Variants in CLSTN2 observed in about 807,000 individuals in gnomAD.
The protein encoded by CLSTN2 is calsyntenin-2.
Under a neutral mutation model 101.2 loss-of-function variants are expected in CLSTN2, and 48 were observed. That is an observed-to-expected ratio of 0.47 (90% CI 0.38 to 0.60). The LOEUF is 0.60. Ranked by LOEUF, CLSTN2 falls within the 20% of genes least tolerant of loss-of-function variation. The pLI is 0.00. For missense variants in CLSTN2, 1,160 were observed against 1,238.2 expected, an observed-to-expected ratio of 0.94 and a Z score of 0.95; for synonymous variants, 481 against 463.6, an observed-to-expected ratio of 1.04 and a Z score of -0.48.
chr3:140,427,229 G>A (rs56020519), intron 5 of CLSTN2, among the ~76,000 whole-genome samples: 11,820 of 70,458 alleles, frequency 0.17, 900 homozygotes, highest in African/African-American at 0.22. Flanking sequence ...ATATATGTGT[G>A]TATATATATA....
At chr3:140,561,784 C>A (rs1023297666) in intron 12 of CLSTN2, among the ~76,000 whole-genome samples, 1 of 152,158 alleles carries the variant, frequency 6.6e-6, no homozygotes, top group East Asian at 1.9e-4. Flanking sequence ...GCACTGGACA[C>A]TGTTTTCAAC....
rs140849509 is a variant in CLSTN2 at position 140,307,343 on chromosome 3, C to A, written c.233-96286C>A. On this transcript the variant is annotated intron_variant, in intron 2 of 16. Transcript: ENST00000458420. ...CTGCTACACACCTTGCCGGCCTCCTCCTGCTCTCCTTGCCCTTCCTCCTGG... is the reference window on the plus strand; with the variant it reads ...CTGCTACACACCTTGCCGGCCTCCTACTGCTCTCCTTGCCCTTCCTCCTGG... Among the ~76,000 whole-genome samples the A allele has an allele frequency of 3.8e-3, 583 of 152,328 alleles. 1 individual carries two copies. Among genetic ancestry groups the A allele is most frequent in the African/African-American group, 0.013 (532 of 41,578 alleles).
chr3:140,474,310 C>T (rs1576588105), intron 8 of CLSTN2, among the ~76,000 whole-genome samples: 1 of 152,040 alleles, frequency 6.6e-6, no homozygotes, highest in Non-Finnish European at 1.5e-5. Flanking sequence ...CTCCACAGCC[C>T]TCCCCTTCCA....
At chr3:139,955,698 C>T (rs1325870406) in intron 1 of CLSTN2, among the ~76,000 whole-genome samples, 1 of 26,074 alleles carries the variant, frequency 3.8e-5, no homozygotes, top group Non-Finnish European at 1.2e-4. Flanking sequence ...CTCAGATGTG[C>T]CTCTCACTAG....
In CLSTN2 at chr3:140,271,387, G is replaced by A. The variant is rs200132256; in HGVS notation, c.232+95314G>A. Among the ~76,000 whole-genome samples, 372 of 152,240 alleles carry A rather than the reference G, an allele frequency of 2.4e-3. 2 individuals carry two copies. Among genetic ancestry groups the A allele is most frequent in the African/African-American group, 7.7e-3 (321 of 41,542 alleles). ...GTTTAGCTGTTATAACAATGTTACC[G>A]AACACTGGGATTACCCCAGTGTATT... On this transcript the variant is annotated intron_variant, in intron 2 of 16. Coordinates refer to ENST00000458420, the MANE Select transcript of CLSTN2 (RefSeq NM_022131.3).
Position 139,948,528 on chromosome 3 carries a change from A to G in CLSTN2, c.109+13045A>G, listed in dbSNP as rs747427204. 8.5e-5 allele frequency among the ~76,000 whole-genome samples: 13 copies of G among 152,138 alleles called. 1 individual carries two copies. Among genetic ancestry groups the G allele is most frequent in the Admixed American group, 6.5e-4 (10 of 15,272 alleles). ...TTGATCAGAACCAGCCAACCTTGCT[A>G]AAGACCAAGGGCTTGCTATGAGCCA... On this transcript the variant is annotated intron_variant, in intron 1 of 16. Transcript: ENST00000458420.
chr3:140,162,034 G>T (rs1477174284), intron 1 of CLSTN2, among the ~76,000 whole-genome samples: 4 of 152,154 alleles, frequency 2.6e-5, no homozygotes, highest in African/African-American at 7.2e-5. Flanking sequence ...ACAGTGGGAA[G>T]AGTCTCATTG....
chr3:140,441,318 A>C (rs1327285621), intron 5 of CLSTN2, among the ~76,000 whole-genome samples: 1 of 152,208 alleles, frequency 6.6e-6, no homozygotes, highest in African/African-American at 2.4e-5. Context: ...TAGGAGATCC[A>C]GGAATAGTCC....
chr3:139,951,335 G>A (rs917694292), intron 1 of CLSTN2, among the ~76,000 whole-genome samples: 1 of 152,162 alleles, frequency 6.6e-6, no homozygotes, highest in Non-Finnish European at 1.5e-5. Flanking sequence ...GGGGAAAAGA[G>A]GAAAATGTCA....
chr3:140,013,700 C>A (rs1222231122), intron 1 of CLSTN2, among the ~76,000 whole-genome samples: 1 of 151,780 alleles, frequency 6.6e-6, no homozygotes, highest in African/African-American at 2.4e-5. Flanking sequence ...GCAAAGAAGG[C>A]CTGTCATAAT....
At chr3:140,533,415 A>G (rs1433620733) in intron 9 of CLSTN2, among the ~76,000 whole-genome samples, 1 of 152,198 alleles carries the variant, frequency 6.6e-6, no homozygotes, top group Admixed American at 6.5e-5. Context: ...GGGCTATAGT[A>G]TAAGAATATG....
intron 2 of CLSTN2, among the ~76,000 whole-genome samples, chr3:140,363,862 T>G (rs1002611765): frequency 2.0e-5 from 3 of 152,200 alleles, no homozygotes; most frequent in African/African-American, 7.2e-5. Context: ...AGTGGGTTAC[T>G]CTGGCAATGG....
chr3:140,342,177 G>A (rs1318636547), intron 2 of CLSTN2, among the ~76,000 whole-genome samples: 1 of 152,030 alleles, frequency 6.6e-6, no homozygotes, highest in Non-Finnish European at 1.5e-5. Flanking sequence ...TCTCAACCTC[G>A]AACTATTGAC....
At chr3:140,552,574 C>G (rs537396919) in intron 10 of CLSTN2, among the ~76,000 whole-genome samples, 18 of 152,240 alleles carry the variant, frequency 1.2e-4, no homozygotes, top group African/African-American at 4.1e-4. Flanking sequence ...CTCCTGGTCT[C>G]TCTACAGGTG....
At chr3:140,263,927 A>G (rs2086674420) in intron 2 of CLSTN2, among the ~76,000 whole-genome samples, 1 of 152,156 alleles carries the variant, frequency 6.6e-6, no homozygotes, top group Non-Finnish European at 1.5e-5. Flanking sequence ...CTATTGTATA[A>G]TCATACACAG....
At chr3:140,115,296 C>G (rs1214453504) in intron 1 of CLSTN2, among the ~76,000 whole-genome samples, 3 of 152,058 alleles carry the variant, frequency 2.0e-5, no homozygotes, top group Non-Finnish European at 4.4e-5. Context: ...ACATGACATT[C>G]ACTTAAAAGA....
At chr3:140,042,342 T>A (rs372540188) in intron 1 of CLSTN2, among the ~76,000 whole-genome samples, 1 of 152,232 alleles carries the variant, frequency 6.6e-6, no homozygotes, top group South Asian at 2.1e-4. Flanking sequence ...TGGGCTTTTG[T>A]GTCTGACTTT....
At chr3:140,074,421 T>C (rs1033713804) in intron 1 of CLSTN2, among the ~76,000 whole-genome samples, 1 of 152,116 alleles carries the variant, frequency 6.6e-6, no homozygotes, top group African/African-American at 2.4e-5. Context: ...TAGCTGTTCT[T>C]AGCCCAAAGG....
intron 2 of CLSTN2, among the ~76,000 whole-genome samples, chr3:140,182,229 C>A (rs1473349932): frequency 6.6e-6 from 1 of 152,048 alleles, no homozygotes; most frequent in Admixed American, 6.5e-5. Flanking sequence ...CTATTCAAGG[C>A]AAGGATTGCT....
Sources: allele counts gnomAD v4.1 joint callset (sites outside exome capture counted in the v4.1 genomes callset), GRCh38; gene constraint gnomAD v4.1.1; transcripts MANE v1.5; gene names NCBI Gene and HGNC (gene_info 2026-07-23, HGNC 2026-07-21).